The following DNM2 variants were observed in gnomAD, a reference collection of about 807,000 sequenced individuals.
The protein encoded by DNM2 is dynamin 2.
A neutral mutation model predicts 99.0 loss-of-function variants in DNM2; 15 were observed. The observed-to-expected ratio is 0.15, with a 90% CI of 0.10 to 0.23. The LOEUF (loss-of-function observed/expected upper bound fraction) is 0.23, where lower values mean the gene tolerates loss of function less well. DNM2 is among the 10% of genes least tolerant of loss of function. DNM2 has a pLI of 1.00. For missense variants in DNM2, 742 were observed against 1,189.4 expected, an observed-to-expected ratio of 0.62 and a Z score of 5.53; for synonymous variants, 525 against 481.2, an observed-to-expected ratio of 1.09 and a Z score of -1.19.
chr19:10,766,301 C>T (rs1398700816), intron 2 of DNM2, among the ~76,000 whole-genome samples: 1 of 152,160 alleles, frequency 6.6e-6, no homozygotes, highest in Non-Finnish European at 1.5e-5. Context: ...CAAGGGCCTT[C>T]GGTCACTCTG....
In DNM2 at chr19:10,764,506, G is replaced by A. The variant is rs1239223428; in HGVS notation, c.235+4695G>A. Reference sequence around the variant, plus strand: ...GAGTGAACCCTGCCCTCACTGGGAAGCAGCCCCGTAAACTCTGAGTGCCTG... The same window carrying A: ...GAGTGAACCCTGCCCTCACTGGGAAACAGCCCCGTAAACTCTGAGTGCCTG... On this transcript the variant is annotated intron_variant, in intron 2 of 20. Coordinates refer to ENST00000389253, the MANE Select transcript of DNM2 (RefSeq NM_001005361.3). The surrounding 1 kb of genome is among the most constrained non-coding windows in gnomAD (Gnocchi z 4.1). Among the ~76,000 whole-genome samples, 1 of 152,222 alleles carries A rather than the reference G, an allele frequency of 6.6e-6. No homozygotes were observed. Among genetic ancestry groups the A allele is most frequent in the African/African-American group, 2.4e-5 (1 of 41,442 alleles).
intron 18 of DNM2, among the ~76,000 whole-genome samples, chr19:10,827,741 C>T (rs1468039976): frequency 6.6e-6 from 1 of 151,260 alleles, no homozygotes; most frequent in Non-Finnish European, 1.5e-5. Context: ...TGGTGGCACG[C>T]GTCTGTAGTC....
intron 15 of DNM2, among the ~76,000 whole-genome samples, chr19:10,815,366 A>T (rs1257189462): frequency 6.6e-6 from 1 of 152,182 alleles, no homozygotes; most frequent in Non-Finnish European, 1.5e-5. Context: ...CTGGGGCTTG[A>T]CACCCGGAAG....
intron 16 of DNM2, among the ~76,000 whole-genome samples, chr19:10,822,173 T>A (rs1196539125): frequency 6.6e-6 from 1 of 151,620 alleles, no homozygotes; most frequent in Non-Finnish European, 1.5e-5. Context: ...TGGTTCTTTT[T>A]TCTTTTTCTT....
chr19:10,742,001 C>G (rs1212388225), intron 1 of DNM2, among the ~76,000 whole-genome samples: 2 of 143,170 alleles, frequency 1.4e-5, no homozygotes, highest in Non-Finnish European at 3.0e-5. Context: ...CTTTCTTTTC[C>G]TTCTTTCTTT....
At chr19:10,739,027 G>T (rs72489411) in intron 1 of DNM2, among the ~76,000 whole-genome samples, 13,215 of 152,056 alleles carry the variant, frequency 0.087, 882 homozygotes, top group East Asian at 0.37. Flanking sequence ...GATTAGCGGG[G>T]CGTGGTAGCG....
intron 6 of DNM2, among the ~76,000 whole-genome samples, chr19:10,785,615 A>G (rs572873799): frequency 7.2e-5 from 11 of 152,004 alleles, no homozygotes; most frequent in Admixed American, 3.9e-4. Context: ...AACTTTTTTT[A>G]TCTTTTGTAG....
At chr19:10,806,000 C>G in intron 13 of DNM2, 33 bp downstream of exon 13, 2 of 1,613,654 alleles carry the variant, frequency 1.2e-6, no homozygotes, top group South Asian at 2.2e-5. Context: ...CCCGCTCTAC[C>G]CTGGGGGCGG....
At chr19:10,793,633 C>G (rs963009600) in intron 7 of DNM2, 87 bp from the exon 8 acceptor site, 12 of 1,611,498 alleles carry the variant, frequency 7.4e-6, no homozygotes, top group Middle Eastern at 3.3e-4. Context: ...GGTAAAAGAA[C>G]AGTAAACCCT....
At chr19:10,808,639 C>A in intron 14 of DNM2, 59 bp downstream of exon 14, 1 of 1,567,682 alleles carries the variant, frequency 6.4e-7, no homozygotes, top group Non-Finnish European at 8.7e-7. Flanking sequence ...ATGGAGACCC[C>A]GCCCACCCCT....
At chr19:10,748,469 G>A (rs1429908446) in intron 1 of DNM2, among the ~76,000 whole-genome samples, 1 of 152,160 alleles carries the variant, frequency 6.6e-6, no homozygotes, top group Non-Finnish European at 1.5e-5. Context: ...CCTACCTGCG[G>A]ACACTGTGTG....
intron 1 of DNM2, among the ~76,000 whole-genome samples, chr19:10,721,704 G>C (rs1430476420): frequency 6.6e-6 from 1 of 152,082 alleles, no homozygotes; most frequent in African/African-American, 2.4e-5. Context: ...CCATTGCGCC[G>C]AGCCTGGATT....
At chr19:10,758,879 G>A (rs1422850805) in intron 1 of DNM2, among the ~76,000 whole-genome samples, 1 of 152,088 alleles carries the variant, frequency 6.6e-6, no homozygotes, top group African/African-American at 2.4e-5. Flanking sequence ...CAGCTCTGTC[G>A]AATAGTAATT....
At chr19:10,797,844 G>A (rs1289462275) in intron 10 of DNM2, among the ~76,000 whole-genome samples, 1 of 152,178 alleles carries the variant, frequency 6.6e-6, no homozygotes, top group Non-Finnish European at 1.5e-5. Flanking sequence ...CACATCATCT[G>A]TATAGCCCTG....
rs2072533858 is a variant in DNM2 at position 10,811,304 on chromosome 19, C to T, written c.1558-960C>T. 3 of 197,020 alleles carry T rather than the reference C, an allele frequency of 1.5e-5. No homozygotes were observed. The highest frequency in any genetic ancestry group is 7.4e-5 in the South Asian group (1 of 13,428). 12.2% of individuals were successfully genotyped at this position (197,020 alleles called of 1,614,324 possible). On this transcript the variant is annotated intron_variant, in intron 14 of 20. Transcript: ENST00000389253. This position sits in a 1 kb window ranked among gnomAD's most constrained non-coding sequence, Gnocchi z 5.4. Reference sequence around the variant, plus strand: ...TCAGAATGTCAGGCCCGGGGTGGGTCGGGGTAGTCCGGATGAAGCCCCTCC... The same window carrying T: ...TCAGAATGTCAGGCCCGGGGTGGGTTGGGGTAGTCCGGATGAAGCCCCTCC...
At chr19:10,725,170 G>C (rs550355069) in intron 1 of DNM2, among the ~76,000 whole-genome samples, 1 of 152,206 alleles carries the variant, frequency 6.6e-6, no homozygotes, top group African/African-American at 2.4e-5. Context: ...ATACATGGCC[G>C]GGCATGGTGA....
At chr19:10,728,358 G>A (rs1168393047) in intron 1 of DNM2, among the ~76,000 whole-genome samples, 4 of 152,186 alleles carry the variant, frequency 2.6e-5, no homozygotes, top group Admixed American at 2.6e-4. Context: ...GGAGGACAGA[G>A]GAGTTGGAGC....
rs749672066 is a variant in DNM2, at chr19:10,782,966, T to A, written c.695T>A (p.Ile232Asn). The A allele has an allele frequency of 9.3e-6, 15 of 1,613,964 alleles. No homozygotes were observed. Among genetic ancestry groups the A allele is most frequent in the Admixed American group, 1.7e-5 (1 of 60,006 alleles). ...NKLLPLRRGY[I>N]GVVNRSQKDI... is the part of the protein sequence containing the mutation. Reference sequence around the variant, plus strand: ...TGACTGCCTCTCCCCACAGGCTACATTGGCGTGGTGAACCGCAGCCAGAAG... The same window carrying A: ...TGACTGCCTCTCCCCACAGGCTACAATGGCGTGGTGAACCGCAGCCAGAAG... Residue 232 changes from isoleucine (I) to asparagine (N), a missense_variant, in exon 6 of 21, where the codon ATT (isoleucine) becomes AAT (asparagine). This residue lies in a region of DNM2 where 192 missense variants were observed against 358.9 expected (regional missense o/e 0.54). Coordinates refer to ENST00000389253, the MANE Select transcript of DNM2 (RefSeq NM_001005361.3).
chr19:10,806,990 G>T (rs979355282), intron 13 of DNM2, among the ~76,000 whole-genome samples: 42 of 152,158 alleles, frequency 2.8e-4, no homozygotes, highest in Admixed American at 2.4e-3. Context: ...GAGCCACAAA[G>T]GGTTGTACCT....
Sources: allele counts gnomAD v4.1 joint callset (sites outside exome capture counted in the v4.1 genomes callset), GRCh38; gene constraint gnomAD v4.1.1; regional missense constraint gnomAD v4.1.1; non-coding constraint Gnocchi (gnomAD v3.1); transcripts MANE v1.5; gene names NCBI Gene and HGNC (gene_info 2026-07-23, HGNC 2026-07-21).